Variants in RALGAPA1 observed in about 807,000 individuals in gnomAD.
The protein encoded by RALGAPA1 is Ral GTPase activating protein catalytic subunit alpha 1.
In RALGAPA1, 52 loss-of-function variants were observed where a neutral mutation model predicts 269.6. The observed-to-expected ratio is 0.19, with a 90% confidence interval of 0.15 to 0.24. The LOEUF is 0.24. RALGAPA1 is among the 10% of genes least tolerant of loss of function. The pLI is 1.00. For missense variants in RALGAPA1, 1,917 were observed against 3,013.9 expected (o/e 0.64, Z 8.52); for synonymous variants, 817 against 1,008.3 (o/e 0.81, Z 3.60).
chr14:35,561,640 C>CT (rs2056269450), intron 39 of RALGAPA1, among the ~76,000 whole-genome samples: 1 of 150,014 alleles, frequency 6.7e-6, no homozygotes, highest in Non-Finnish European at 1.5e-5. Context: ...TCCTGAGTAG[C>CT]TGGGATTACA....
chr14:35,771,078 TA>T, intron 3 of RALGAPA1, 79 bp from the exon 4 acceptor site: 2 of 601,838 alleles, frequency 3.3e-6, no homozygotes, highest in East Asian at 3.1e-5. Context: ...TGTGAAAAAT[TA>T]AAGGGCTCAC....
chr14:35,617,530 A>C (rs1052779237), intron 35 of RALGAPA1, among the ~76,000 whole-genome samples: 1 of 150,664 alleles, frequency 6.6e-6, no homozygotes, highest in African/African-American at 2.4e-5. Flanking sequence ...AGGCAGGAGA[A>C]TCACTTGAAC....
chr14:35,710,246 C>T (rs2068186528), intron 16 of RALGAPA1, among the ~76,000 whole-genome samples: 1 of 152,138 alleles, frequency 6.6e-6, no homozygotes, highest in South Asian at 2.1e-4. Context: ...ATTATTACGT[C>T]TTCTTGGAGA....
chr14:35,742,981 C>T (rs1239987663), intron 10 of RALGAPA1, among the ~76,000 whole-genome samples: 1 of 152,144 alleles, frequency 6.6e-6, no homozygotes, highest in Non-Finnish European at 1.5e-5. Context: ...GACAGGATGC[C>T]ATTCCATTGT....
At chr14:35,675,667 T>C (rs781769183) in intron 22 of RALGAPA1, among the ~76,000 whole-genome samples, 2 of 152,154 alleles carry the variant, frequency 1.3e-5, no homozygotes, top group Non-Finnish European at 2.9e-5. Context: ...GTAAAATAGA[T>C]GGTTTTGCTA....
At chr14:35,619,424 T>C (rs2060464422) in intron 35 of RALGAPA1, among the ~76,000 whole-genome samples, 1 of 151,870 alleles carries the variant, frequency 6.6e-6, no homozygotes, top group South Asian at 2.1e-4. Flanking sequence ...CACCCTAACA[T>C]CACGATTAAA....
chr14:35,638,495 A>G (rs779239503), intron 31 of RALGAPA1, among the ~76,000 whole-genome samples: 5 of 152,218 alleles, frequency 3.3e-5, no homozygotes, highest in Non-Finnish European at 7.3e-5. Context: ...ATAAAAAGCA[A>G]GAAACAAAAC....
At chr14:35,737,126 G>C (rs984861120) in intron 12 of RALGAPA1, among the ~76,000 whole-genome samples, 1 of 151,410 alleles carries the variant, frequency 6.6e-6, no homozygotes, top group South Asian at 2.1e-4. Context: ...AAAAGCATAT[G>C]AATTCATAGA....
intron 7 of RALGAPA1, among the ~76,000 whole-genome samples, chr14:35,753,793 C>T (rs1045004273): frequency 2.6e-5 from 4 of 152,106 alleles, no homozygotes; most frequent in African/African-American, 9.7e-5. Context: ...ACACTTAAAA[C>T]ACACTGAACT....
chr14:35,628,554 C>G (rs1308053412), intron 33 of RALGAPA1, among the ~76,000 whole-genome samples: 1 of 152,090 alleles, frequency 6.6e-6, no homozygotes, highest in African/African-American at 2.4e-5. Context: ...TTAATAGATT[C>G]CAGATTCAGA....
intron 10 of RALGAPA1, among the ~76,000 whole-genome samples, chr14:35,747,226 C>T (rs1411783554): frequency 6.6e-6 from 1 of 152,124 alleles, no homozygotes; most frequent in Non-Finnish European, 1.5e-5. Context: ...ACTATAAATG[C>T]TTCAGAGGTT....
At chr14:35,668,497 T>A (rs1222669673) in intron 26 of RALGAPA1, among the ~76,000 whole-genome samples, 138 of 146,914 alleles carry the variant, frequency 9.4e-4, no homozygotes, top group Admixed American at 2.2e-3. Flanking sequence ...AAAAAAAAAA[T>A]GTACATTAAA....
At chr14:35,585,712 C>A (rs1225033451) in intron 37 of RALGAPA1, among the ~76,000 whole-genome samples, 1 of 152,114 alleles carries the variant, frequency 6.6e-6, no homozygotes, top group African/African-American at 2.4e-5. Flanking sequence ...ATAGGGAATC[C>A]TTTCCCCATT....
chr14:35,766,762 C>T (rs1228289032), intron 4 of RALGAPA1: 1 of 521,470 alleles, frequency 1.9e-6, no homozygotes, highest in South Asian at 1.5e-5. Context: ...TTTGTGAATG[C>T]TTTTAACTCT....
chr14:35,730,865 C>A (rs536575024), intron 12 of RALGAPA1, among the ~76,000 whole-genome samples: 64 of 152,308 alleles, frequency 4.2e-4, no homozygotes, highest in Admixed American at 7.2e-4. Flanking sequence ...ACTGCCAGTT[C>A]CTTTCCATAC....
intron 27 of RALGAPA1, among the ~76,000 whole-genome samples, chr14:35,662,997 C>A (rs1292031881): frequency 2.0e-5 from 3 of 152,128 alleles, no homozygotes; most frequent in Admixed American, 6.5e-5. Context: ...GTGGCACAAC[C>A]ATGGCATAAG....
intron 16 of RALGAPA1, among the ~76,000 whole-genome samples, chr14:35,710,160 C>T (rs1416794923): frequency 6.6e-6 from 1 of 152,224 alleles, no homozygotes; most frequent in East Asian, 1.9e-4. Context: ...ACTACTTCTT[C>T]TATTTCTCTG....
At chr14:35,595,092 A>G (rs920030537) in intron 37 of RALGAPA1, among the ~76,000 whole-genome samples, 3 of 152,036 alleles carry the variant, frequency 2.0e-5, no homozygotes, top group African/African-American at 7.2e-5. Context: ...AATCTAAAAA[A>G]AAAAAACAAA....
At chr14:35,629,508 A>T (rs771102570) in intron 33 of RALGAPA1, among the ~76,000 whole-genome samples, 10 of 151,938 alleles carry the variant, frequency 6.6e-5, no homozygotes, top group East Asian at 5.8e-4. Context: ...TTATTTATTT[A>T]TTTTTTTATT....
Sources: allele counts gnomAD v4.1 joint callset (sites outside exome capture counted in the v4.1 genomes callset), GRCh38; gene constraint gnomAD v4.1.1; transcripts MANE v1.5; gene names NCBI Gene and HGNC (gene_info 2026-07-23, HGNC 2026-07-21).